Variants in NKAIN2 observed in about 807,000 individuals in gnomAD.
NKAIN2 encodes the protein sodium/potassium transporting ATPase interacting 2, also known as sodium/potassium-transporting ATPase subunit beta-1-interacting protein 2.
In NKAIN2, 14 loss-of-function variants were observed where a neutral mutation model predicts 32.6. The ratio of observed to expected loss-of-function variants is 0.43; its 90% CI spans 0.28 to 0.67. NKAIN2 has a LOEUF of 0.67. Ranked by LOEUF, NKAIN2 falls within the 30% of genes least tolerant of loss-of-function variation. The probability of loss-of-function intolerance (pLI) is 0.17; values close to 1 mark genes in which losing one functional copy is unlikely to be tolerated. For synonymous variants in NKAIN2, 80 were observed against 87.2 expected (o/e 0.92, Z 0.46); for missense variants, 198 against 258.3 (o/e 0.77, Z 1.60).
In NKAIN2 at chr6:124,159,071, T is replaced by C. The variant is rs564106332; in HGVS notation, c.55-123934T>C. Among the ~76,000 whole-genome samples, 3 of 152,290 alleles carry C rather than the reference T, an allele frequency of 2.0e-5. No individual in the cohort carries two copies. In the East Asian group the frequency reaches 5.8e-4, roughly 29 times the overall value. On this transcript the variant is annotated intron_variant, in intron 1 of 6. Coordinates refer to ENST00000368417, the MANE Select transcript of NKAIN2 (RefSeq NM_001040214.3). ...TTAGGGCAATTAGAATGCAAGGATA[T>C]GGTAGACTGTCTTTTACTCAATTAG...
intron 5 of NKAIN2, among the ~76,000 whole-genome samples, chr6:124,802,908 G>A (rs550410827): frequency 6.6e-6 from 1 of 152,262 alleles, no homozygotes; most frequent in African/African-American, 2.4e-5. Context: ...GTTCTCATTA[G>A]CATTCTTGAT....
rs560707710 is a variant in NKAIN2, at chr6:123,874,607, A to C, written c.54+70353A>C. On this transcript the variant is annotated intron_variant, in intron 1 of 6. Coordinates refer to ENST00000368417, the MANE Select transcript of NKAIN2 (RefSeq NM_001040214.3). The stretch of plus-strand genomic sequence containing the variant: ...AAAACAAAATACTAATGCAATTTTA[A>C]AATATAATTCACTTCTCTAGAAATA... Among the ~76,000 whole-genome samples the C allele has an allele frequency of 2.0e-5, 3 of 152,284 alleles. No individual in the cohort carries two copies. In the East Asian group the frequency reaches 5.8e-4, roughly 29 times the overall value.
intron 4 of NKAIN2, among the ~76,000 whole-genome samples, chr6:124,675,421 G>T (rs536191012): frequency 2.0e-5 from 3 of 152,080 alleles, no homozygotes; most frequent in Non-Finnish European, 2.9e-5. Context: ...GAGCTTGTAA[G>T]TGTTCTCTCT....
chr6:124,714,009 G>A (rs1359931139), intron 4 of NKAIN2, among the ~76,000 whole-genome samples: 1 of 152,180 alleles, frequency 6.6e-6, no homozygotes, highest in Admixed American at 6.5e-5. Context: ...AGATCTGACT[G>A]CAGCATCCTT....
intron 1 of NKAIN2, among the ~76,000 whole-genome samples, chr6:124,176,423 T>C (rs1190344143): frequency 6.6e-6 from 1 of 152,224 alleles, no homozygotes; most frequent in Non-Finnish European, 1.5e-5. Flanking sequence ...CAAGATCATG[T>C]CTTCTAATAA....
chr6:124,095,242 C>T (rs985467397), intron 1 of NKAIN2, among the ~76,000 whole-genome samples: 2 of 152,080 alleles, frequency 1.3e-5, no homozygotes, highest in South Asian at 4.2e-4. Context: ...GATAATATTC[C>T]CACTGACTAT....
chr6:124,270,079 G>C (rs577185672), intron 1 of NKAIN2, among the ~76,000 whole-genome samples: 1 of 152,312 alleles, frequency 6.6e-6, no homozygotes, highest in South Asian at 2.1e-4. Flanking sequence ...AGACAGAGGA[G>C]ACACCAGCAT....
chr6:124,233,842 G>C (rs1481274278), intron 1 of NKAIN2, among the ~76,000 whole-genome samples: 1 of 152,128 alleles, frequency 6.6e-6, no homozygotes, highest in Non-Finnish European at 1.5e-5. Flanking sequence ...GGTTATGTGT[G>C]ATCACTATAC....
intron 1 of NKAIN2, among the ~76,000 whole-genome samples, chr6:124,238,843 G>A (rs550387514): frequency 7.0e-4 from 107 of 152,254 alleles, no homozygotes; most frequent in African/African-American, 1.9e-3. Flanking sequence ...TGTAAAGACC[G>A]TTGACACTAT....
At chr6:124,089,704 G>GATTTT (rs1163135547) in intron 1 of NKAIN2, among the ~76,000 whole-genome samples, 1 of 151,892 alleles carries the variant, frequency 6.6e-6, no homozygotes, top group African/African-American at 2.4e-5. Context: ...CATTTGTCTG[G>GATTTT]ATTTTATTCA....
chr6:124,223,909 T>A (rs1791966672), intron 1 of NKAIN2, among the ~76,000 whole-genome samples: 1 of 152,180 alleles, frequency 6.6e-6, no homozygotes, highest in Non-Finnish European at 1.5e-5. Context: ...CTGTGTGTAA[T>A]CATATCCAGA....
chr6:124,275,970 T>C (rs1376263503), intron 1 of NKAIN2, among the ~76,000 whole-genome samples: 1 of 152,078 alleles, frequency 6.6e-6, no homozygotes, highest in Non-Finnish European at 1.5e-5. Context: ...CTGGGATTCA[T>C]AGAGATTAGT....
At chr6:124,743,975 A>G (rs775475486) in intron 4 of NKAIN2, among the ~76,000 whole-genome samples, 3 of 151,942 alleles carry the variant, frequency 2.0e-5, no homozygotes, top group Non-Finnish European at 4.4e-5. Context: ...TAAACAAAAT[A>G]AAAACTACCC....
chr6:124,323,461 A>T (rs908941855), intron 2 of NKAIN2, among the ~76,000 whole-genome samples: 1 of 152,150 alleles, frequency 6.6e-6, no homozygotes, highest in Admixed American at 6.5e-5. Flanking sequence ...TTTTGAATTA[A>T]TTTTTGCATA....
chr6:124,272,628 GC>G (rs1435266894), intron 1 of NKAIN2, among the ~76,000 whole-genome samples: 23 of 152,162 alleles, frequency 1.5e-4, no homozygotes, highest in African/African-American at 5.1e-4. Context: ...CTGGCCCACT[GC>G]CTAGTGGAGC....
chr6:124,778,883 T>C (rs1164211556), intron 4 of NKAIN2, among the ~76,000 whole-genome samples: 1 of 152,112 alleles, frequency 6.6e-6, no homozygotes, highest in African/African-American at 2.4e-5. Context: ...TAGGAATGGC[T>C]GAATAGAGTC....
chr6:124,371,038 CATA>C (rs1465752134), intron 3 of NKAIN2, among the ~76,000 whole-genome samples: 2 of 152,114 alleles, frequency 1.3e-5, no homozygotes, highest in African/African-American at 4.8e-5. Context: ...TAGTGTGCTA[CATA>C]ATGAGTCCAA....
chr6:123,928,479 G>A (rs1038735364), intron 1 of NKAIN2, among the ~76,000 whole-genome samples: 1 of 152,078 alleles, frequency 6.6e-6, no homozygotes, highest in Non-Finnish European at 1.5e-5. Flanking sequence ...TGTAGACACT[G>A]GATTGCGTCT....
At chr6:124,436,577 G>A (rs1775456062) in intron 3 of NKAIN2, among the ~76,000 whole-genome samples, 2 of 152,048 alleles carry the variant, frequency 1.3e-5, no homozygotes. Context: ...CTGGAATTTA[G>A]TGAAATTGAA....
Sources: allele counts gnomAD v4.1 joint callset (sites outside exome capture counted in the v4.1 genomes callset), GRCh38; gene constraint gnomAD v4.1.1; transcripts MANE v1.5; gene names NCBI Gene and HGNC (gene_info 2026-07-23, HGNC 2026-07-21).